REPS2: variants seen among roughly 807,000 people sequenced by gnomAD.
REPS2 encodes the protein ralBP1-associated Eps domain-containing protein 2.
REPS2 carries 23 observed loss-of-function variants against 53.6 expected under a neutral mutation model. The observed-to-expected ratio is 0.43, with a 90% CI of 0.31 to 0.61. The LOEUF is 0.61. REPS2 is among the 20% of genes least tolerant of loss of function. REPS2 has a pLI of 0.11. For synonymous variants in REPS2, 238 were observed against 218.6 expected, an observed-to-expected ratio of 1.09 and a Z score of -0.78; for missense variants, 446 against 534.9, an observed-to-expected ratio of 0.83 and a Z score of 1.64.
At chrX:17,027,058 T>A (rs1451919723) in intron 4 of REPS2, among the ~76,000 whole-genome samples, 1 of 112,186 alleles carries the variant, frequency 8.9e-6, no homozygotes, top group Non-Finnish European at 1.9e-5. Context: ...CCTCCCAAAG[T>A]ACTGGGATTA....
intron 13 of REPS2, among the ~76,000 whole-genome samples, chrX:17,088,739 AC>A (rs1423034838): frequency 1.8e-5 from 2 of 109,297 alleles, no homozygotes; most frequent in Non-Finnish European, 3.8e-5. Flanking sequence ...GCCCACCACC[AC>A]GCCTGGCTAA....
At position 17,025,176 on chromosome X, in the gene REPS2, A is replaced by C; in HGVS notation, c.664A>C (p.Met222Leu). Reference sequence around the variant, plus strand: ...CAAACTGCGGAGCAGCGCAGAACAGATGCATCCAGGTAAGAGGCGACCTGG... The same window carrying C: ...CAAACTGCGGAGCAGCGCAGAACAGCTGCATCCAGGTAAGAGGCGACCTGG... The part of the protein sequence containing the change: ...YSKLRSSAEQ[M>L]HPAPYEARQP... The change falls in exon 4 of 18, where the codon ATG becomes CTG. Residue 222 changes from methionine to leucine, a missense_variant. Transcript: ENST00000357277. 8.3e-7 allele frequency: 1 copy of C among 1,209,626 alleles called. No homozygotes were observed. The highest frequency in any genetic ancestry group is 1.1e-6 in the Non-Finnish European group (1 of 894,466).
rs1486025598 is a variant in REPS2 at position 17,008,178 on chromosome X, A to G, written c.397+1834A>G. ...GACACAGCGGCCATTTGCTTTGATT[A>G]GTTGAAAGTTGCATCACACTGAATT... On this transcript the variant is annotated intron_variant, in intron 2 of 17. Transcript: ENST00000357277. Among the ~76,000 whole-genome samples the G allele has an allele frequency of 3.6e-5, 4 of 112,455 alleles. No individual in the cohort carries two copies. The East Asian group carries it at 1.1e-3, about 31-fold the overall frequency.
At chrX:17,029,238 G>C (rs1323982334) in intron 4 of REPS2, among the ~76,000 whole-genome samples, 2 of 111,623 alleles carry the variant, frequency 1.8e-5, no homozygotes, top group African/African-American at 6.5e-5. Context: ...AGCTATTGTT[G>C]CTTTCTATCC....
intron 5 of REPS2, among the ~76,000 whole-genome samples, chrX:17,032,388 G>A (rs904002042): frequency 8.9e-6 from 1 of 111,945 alleles, no homozygotes; most frequent in African/African-American, 3.3e-5. Context: ...GCAACAGTCC[G>A]ATTCTCTTAA....
the REPS2 span, among the ~76,000 whole-genome samples, chrX:17,194,668 G>T: frequency 2.0e-3 from 228 of 111,675 alleles, no homozygotes; most frequent in Non-Finnish European, 2.9e-3. Context: ...CTTGAGTGTG[G>T]TGGTAGATAC....
the REPS2 span, among the ~76,000 whole-genome samples, chrX:17,177,444 T>G: frequency 1.8e-5 from 2 of 111,702 alleles, no homozygotes; most frequent in African/African-American, 6.5e-5. Flanking sequence ...GGGACGACCT[T>G]GGTCTAGAAA....
At chrX:17,075,507 T>C (rs1397761436) in intron 12 of REPS2, among the ~76,000 whole-genome samples, 1 of 112,411 alleles carries the variant, frequency 8.9e-6, no homozygotes, top group Non-Finnish European at 1.9e-5. Context: ...AATTGAATTG[T>C]TTTTATCCTC....
chrX:17,018,155 C>T (rs2147833888), intron 2 of REPS2, among the ~76,000 whole-genome samples: 1 of 109,443 alleles, frequency 9.1e-6, no homozygotes, highest in South Asian at 3.9e-4. Flanking sequence ...AATGGAAACT[C>T]TGTATTCATT....
At chrX:16,956,284 GTTTTTTTTTTTTTTTTTTTTTT>G (rs869259012) in intron 1 of REPS2, among the ~76,000 whole-genome samples, 2 of 24,757 alleles carry the variant, frequency 8.1e-5, no homozygotes, top group East Asian at 1.8e-3. Flanking sequence ...AACCACAGCA[GTTTTTTTTTTTTTTTTTTTTTT>G]TTTTTTTTTT....
chrX:16,974,324 A>G (rs977752400), intron 1 of REPS2, among the ~76,000 whole-genome samples: 31 of 111,316 alleles, frequency 2.8e-4, no homozygotes, highest in African/African-American at 8.5e-4. Context: ...TTGAACAATG[A>G]CAAATTTATG....
chrX:17,016,174 A>AT (rs2061490169), intron 2 of REPS2, among the ~76,000 whole-genome samples: 1 of 111,065 alleles, frequency 9.0e-6, no homozygotes, highest in Non-Finnish European at 1.9e-5. Flanking sequence ...GATGATGAGC[A>AT]TTTTTTCATG....
At chrX:16,976,785 C>T (rs938338650) in intron 1 of REPS2, among the ~76,000 whole-genome samples, 1 of 111,883 alleles carries the variant, frequency 8.9e-6, no homozygotes, top group Admixed American at 9.4e-5. Context: ...CCATATGTCC[C>T]TGTTTGCCTG....
At chrX:17,128,082 T>A (rs1401369269) in intron 14 of REPS2, among the ~76,000 whole-genome samples, 1 of 111,033 alleles carries the variant, frequency 9.0e-6, no homozygotes. Context: ...CATACTAGAG[T>A]GCTTTCAGTC....
chrX:17,067,757 T>C (rs927576661), intron 9 of REPS2, among the ~76,000 whole-genome samples: 2 of 112,064 alleles, frequency 1.8e-5, no homozygotes, highest in African/African-American at 6.5e-5. Flanking sequence ...TTGTCAGAAC[T>C]TCTTTGTGTT....
chrX:17,033,299 T>C (rs925530735), intron 5 of REPS2, among the ~76,000 whole-genome samples: 4 of 111,544 alleles, frequency 3.6e-5, no homozygotes, highest in Non-Finnish European at 7.5e-5. Flanking sequence ...GCCTCATTTG[T>C]TTCAATCCTC....
chrX:17,020,318 G>C (rs954073585), intron 2 of REPS2, among the ~76,000 whole-genome samples: 1 of 112,197 alleles, frequency 8.9e-6, no homozygotes, highest in Non-Finnish European at 1.9e-5. Flanking sequence ...GAAGTACTTG[G>C]AAGTAGAGTC....
intron 5 of REPS2, 90 bp downstream of exon 5, chrX:17,029,713 T>C: frequency 1.8e-6 from 1 of 558,542 alleles, no homozygotes; most frequent in Admixed American, 3.4e-5. Flanking sequence ...CCTTTTTCAT[T>C]GCAAGGAAGA....
chrX:17,027,797 A>G (rs994999196), intron 4 of REPS2, among the ~76,000 whole-genome samples: 5 of 109,365 alleles, frequency 4.6e-5, no homozygotes, highest in Non-Finnish European at 9.5e-5. Context: ...TCATTTGGGA[A>G]GAAAGAGAGT....
Sources: allele counts gnomAD v4.1 joint callset (sites outside exome capture counted in the v4.1 genomes callset), GRCh38; gene constraint gnomAD v4.1.1; transcripts MANE v1.5; gene names NCBI Gene and HGNC (gene_info 2026-07-23, HGNC 2026-07-21).